Variants in PLCXD3 observed in about 807,000 individuals in gnomAD.
The protein encoded by PLCXD3 is PI-PLC X domain-containing protein 3.
Under a neutral mutation model 25.5 loss-of-function variants are expected in PLCXD3, and 19 were observed. The ratio of observed to expected loss-of-function variants is 0.75; its 90% CI spans 0.52 to 1.09. The LOEUF (loss-of-function observed/expected upper bound fraction) is 1.09. PLCXD3 is among the 50% of genes least tolerant of loss of function. The pLI, the probability that PLCXD3 is intolerant of heterozygous loss-of-function variation, is 0.00. For synonymous variants in PLCXD3, 174 were observed against 137.6 expected (o/e 1.26, Z -1.85); for missense variants, 411 against 388.1 (o/e 1.06, Z -0.50).
chr5:41,466,332 A>G (rs1748017231), intron 1 of PLCXD3, among the ~76,000 whole-genome samples: 1 of 152,138 alleles, frequency 6.6e-6, no homozygotes, highest in Non-Finnish European at 1.5e-5. Context: ...GAGAAAAATC[A>G]TATGTACTAT....
Position 41,382,063 on chromosome 5 carries a change from A to G in PLCXD3, c.575T>C (p.Leu192Pro). ...AGCCACTGGACTATGGTAGAAGACCAGCACTTGATAGTCCTTCTCCCACAG... is the reference window on the plus strand; with the variant it reads ...AGCCACTGGACTATGGTAGAAGACCGGCACTTGATAGTCCTTCTCCCACAG... ...KYLWEKDYQV[L>P]VFYHSPVALE... The change falls in exon 2 of 3, where the codon CTG becomes CCG. Residue 192 changes from leucine (L) to proline (P), a missense_variant. Leu to Pro is a moderately conservative substitution (Grantham distance 98, BLOSUM62 -3). Coordinates refer to ENST00000377801, the MANE Select transcript of PLCXD3 (RefSeq NM_001005473.3). 2 of 1,613,728 alleles carry G rather than the reference A, an allele frequency of 1.2e-6. No homozygotes were observed. The highest frequency in any genetic ancestry group is 2.2e-5 in the South Asian group (2 of 91,086).
intron 2 of PLCXD3, among the ~76,000 whole-genome samples, chr5:41,315,830 C>T (rs746653171): frequency 5.3e-5 from 8 of 152,130 alleles, no homozygotes; most frequent in African/African-American, 9.7e-5. Context: ...ACTCAGCGGA[C>T]GCCCAGTCAC....
At chr5:41,317,490 G>A (rs971565812) in intron 2 of PLCXD3, among the ~76,000 whole-genome samples, 3 of 152,018 alleles carry the variant, frequency 2.0e-5, no homozygotes. Flanking sequence ...ACCATCTGGG[G>A]AAAGGTGACC....
At position 41,338,700 on chromosome 5, in the gene PLCXD3, C is replaced by T. The variant is rs571597440; in HGVS notation, c.813-24930G>A. Among the ~76,000 whole-genome samples the T allele has an allele frequency of 3.9e-5, 6 of 152,212 alleles. No homozygotes were observed. The South Asian group carries it at 1.2e-3, about 32-fold the overall frequency. ...GTAAAACAAGTCTATTCCTCTTCAA[C>T]GTGATATTCCTTTAAATATTTGAAA... is the stretch of plus-strand genomic sequence containing the variant. On this transcript the variant is annotated intron_variant, in intron 2 of 2. Transcript: ENST00000377801.
chr5:41,346,986 G>T (rs1744319142), intron 2 of PLCXD3, among the ~76,000 whole-genome samples: 1 of 152,152 alleles, frequency 6.6e-6, no homozygotes, highest in African/African-American at 2.4e-5. Flanking sequence ...GTTTTTGTAT[G>T]GATATAAGTT....
intron 1 of PLCXD3, among the ~76,000 whole-genome samples, chr5:41,459,513 T>C (rs1747827689): frequency 6.6e-6 from 1 of 151,884 alleles, no homozygotes. Context: ...TACATTCATG[T>C]GACATGTCAA....
intron 1 of PLCXD3, among the ~76,000 whole-genome samples, chr5:41,449,712 C>T (rs55917210): frequency 0.04 from 6,027 of 152,150 alleles, 384 homozygotes; most frequent in African/African-American, 0.14. Context: ...AGAGTTATCT[C>T]ACCTGGAGAT....
chr5:41,315,377 A>G (rs983570364), intron 2 of PLCXD3, among the ~76,000 whole-genome samples: 2 of 152,020 alleles, frequency 1.3e-5, no homozygotes, highest in Non-Finnish European at 2.9e-5. Flanking sequence ...AAGAAGTTGT[A>G]TAAAAAAGGT....
intron 1 of PLCXD3, among the ~76,000 whole-genome samples, chr5:41,423,942 C>A (rs1478240472): frequency 6.6e-6 from 1 of 152,152 alleles, no homozygotes; most frequent in African/African-American, 2.4e-5. Context: ...TTACCATTAT[C>A]TTTCTTTTGT....
rs928036368 is a variant in PLCXD3, at chr5:41,307,492, G to T, written c.*6125C>A. 9 of 152,118 alleles carry T rather than the reference G, an allele frequency of 5.9e-5. No individual in the cohort carries two copies. The highest frequency in any genetic ancestry group is 2.2e-4 in the African/African-American group (9 of 41,382). The allele number at this position is 152,118 out of a possible 1,614,324, so 9.4% of individuals were successfully genotyped here. On this transcript the variant is annotated 3_prime_UTR_variant, in exon 3 of 3. Coordinates refer to ENST00000377801, the MANE Select transcript of PLCXD3 (RefSeq NM_001005473.3). ...ACTGTTCTTATTTTAGGGCTTCTTG[G>T]GTTTTCAATTCCAAAAAAAAATAGT... is the stretch of plus-strand genomic sequence containing the variant.
intron 1 of PLCXD3, among the ~76,000 whole-genome samples, chr5:41,450,956 T>A (rs1170760929): frequency 6.6e-6 from 1 of 151,990 alleles, no homozygotes; most frequent in East Asian, 1.9e-4. Context: ...AAGTTGGAGG[T>A]TGAGCTTCCT....
At chr5:41,482,635 G>T (rs1056124248) in intron 1 of PLCXD3, among the ~76,000 whole-genome samples, 1 of 152,210 alleles carries the variant, frequency 6.6e-6, no homozygotes, top group African/African-American at 2.4e-5. Context: ...GTAGCTGGAA[G>T]CAAAGTTAAA....
chr5:41,337,796 T>C (rs1345562685), intron 2 of PLCXD3, among the ~76,000 whole-genome samples: 1 of 152,158 alleles, frequency 6.6e-6, no homozygotes, highest in African/African-American at 2.4e-5. Flanking sequence ...GTTAATTCTA[T>C]AATTTCCTCC....
intron 2 of PLCXD3, among the ~76,000 whole-genome samples, chr5:41,326,708 T>G (rs1743637735): frequency 6.6e-6 from 1 of 152,184 alleles, no homozygotes; most frequent in Non-Finnish European, 1.5e-5. Context: ...AGATCCTTTT[T>G]CTTTATGTTT....
chr5:41,400,506 A>G (rs1746148085), intron 1 of PLCXD3, among the ~76,000 whole-genome samples: 1 of 152,124 alleles, frequency 6.6e-6, no homozygotes, highest in South Asian at 2.1e-4. Context: ...CTATTCAGCC[A>G]CATAGAAGAA....
intron 2 of PLCXD3, among the ~76,000 whole-genome samples, chr5:41,353,123 C>T (rs1387492414): frequency 3.4e-5 from 5 of 146,878 alleles, no homozygotes; most frequent in South Asian, 2.2e-4. Context: ...GACAGAGTCT[C>T]GCTCTGTTGC....
At chr5:41,403,262 G>A (rs1171097587) in intron 1 of PLCXD3, among the ~76,000 whole-genome samples, 1 of 147,052 alleles carries the variant, frequency 6.8e-6, no homozygotes, top group Admixed American at 6.9e-5. Context: ...CTAAAAACAA[G>A]ATTAGAAAAG....
At chr5:41,505,209 G>GTGTGTGAGTGTGTGTGCA (rs1361804189) in intron 1 of PLCXD3, among the ~76,000 whole-genome samples, 1 of 151,858 alleles carries the variant, frequency 6.6e-6, no homozygotes, top group Admixed American at 6.6e-5. Flanking sequence ...TTGGAGAGCT[G>GTGTGTGAGTGTGTGTGCA]TGTGTGAGTG....
At chr5:41,497,250 A>G (rs971176154) in intron 1 of PLCXD3, among the ~76,000 whole-genome samples, 12 of 151,926 alleles carry the variant, frequency 7.9e-5, no homozygotes, top group Non-Finnish European at 1.5e-4. Context: ...ATTAAATAGC[A>G]AGAATAACAA....
Sources: allele counts gnomAD v4.1 joint callset (sites outside exome capture counted in the v4.1 genomes callset), GRCh38; gene constraint gnomAD v4.1.1; transcripts MANE v1.5; gene names NCBI Gene and HGNC (gene_info 2026-07-23, HGNC 2026-07-21).